Variants in RARS2 observed in about 807,000 individuals in gnomAD.
RARS2 encodes probable arginine--tRNA ligase, mitochondrial.
Under a neutral mutation model 88.5 loss-of-function variants are expected in RARS2, and 67 were observed. The ratio of observed to expected loss-of-function variants is 0.76; its 90% CI spans 0.62 to 0.93. RARS2 has a LOEUF of 0.93. RARS2 is among the 40% of genes least tolerant of loss of function. The pLI is 0.00. For synonymous variants in RARS2, 239 were observed against 230.3 expected (o/e 1.04, Z -0.34); for missense variants, 664 against 684.2 (o/e 0.97, Z 0.33).
intron 1 of RARS2, among the ~76,000 whole-genome samples, chr6:87,579,513 C>A (rs1290071875): frequency 6.6e-6 from 1 of 152,060 alleles, no homozygotes; most frequent in Non-Finnish European, 1.5e-5. Context: ...GTTTTAAATG[C>A]TTCTCAGGTG....
At chr6:87,514,913 C>T (rs1582221742) in intron 19 of RARS2, 44 bp downstream of exon 19, 3 of 1,488,928 alleles carry the variant, frequency 2.0e-6, no homozygotes, top group South Asian at 1.1e-5. Flanking sequence ...TAATATTAGT[C>T]TCAGGAGCTA....
chr6:87,543,860 G>A (rs1781803766), intron 7 of RARS2, among the ~76,000 whole-genome samples: 2 of 152,230 alleles, frequency 1.3e-5, no homozygotes, highest in Non-Finnish European at 2.9e-5. Flanking sequence ...TATAATTCAG[G>A]GTGGTTGGAG....
intron 14 of RARS2, chr6:87,519,315 C>T: frequency 2.5e-6 from 1 of 401,160 alleles, no homozygotes; most frequent in Non-Finnish European, 4.6e-6. Context: ...ATAGAAACTT[C>T]ACGTAATCAC....
chr6:87,541,528 TTTAAACCTCTGGAGGCTGGGC>T (rs1780954262), intron 8 of RARS2, among the ~76,000 whole-genome samples: 1 of 152,108 alleles, frequency 6.6e-6, no homozygotes, highest in Non-Finnish European at 1.5e-5. Flanking sequence ...GAACATATTT[TTTAAACCTCTGGAGGCTGGGC>T]GTGGTGACTC....
Position 87,524,671 on chromosome 6 carries a change from A to G in RARS2, c.879-19T>C. ...TCCTTTTCTAGAAATTCGAAAAGGT[A>G]ACTCTGAAGCAACATAATAAATTCA... On this transcript the variant is annotated intron_variant, in intron 10 of 19. Transcript: ENST00000369536. 1 of 1,523,964 alleles carries G rather than the reference A, an allele frequency of 6.6e-7. No homozygotes were observed. Among genetic ancestry groups the G allele is most frequent in the Non-Finnish European group, 9.1e-7 (1 of 1,098,872 alleles). The allele number at this position is 1,523,964 out of a possible 1,614,324, so 94.4% of individuals were successfully genotyped here. A position where few individuals can be genotyped will look rare whatever the true frequency, so the allele number is the denominator to read the frequency against.
At chr6:87,589,183 G>A (rs1326745407) in intron 1 of RARS2, among the ~76,000 whole-genome samples, 1 of 152,180 alleles carries the variant, frequency 6.6e-6, no homozygotes, top group African/African-American at 2.4e-5. Context: ...TGGCCAATGA[G>A]TCTTAAAAAT....
At chr6:87,535,205 C>A (rs1363907029) in intron 8 of RARS2, among the ~76,000 whole-genome samples, 1 of 152,094 alleles carries the variant, frequency 6.6e-6, no homozygotes, top group East Asian at 1.9e-4. Context: ...TAACTTAAAA[C>A]AATGATGAAA....
chr6:87,546,834 T>C (rs1782747518), intron 6 of RARS2, among the ~76,000 whole-genome samples: 1 of 152,230 alleles, frequency 6.6e-6, no homozygotes, highest in African/African-American at 2.4e-5. Context: ...CCAGCTTCCC[T>C]AGTTGTAGAC....
chr6:87,547,566 C>T (rs1040036272), intron 6 of RARS2, among the ~76,000 whole-genome samples: 4 of 151,958 alleles, frequency 2.6e-5, no homozygotes, highest in Non-Finnish European at 5.9e-5. Context: ...AAATGAAAAT[C>T]GTAAGTATAT....
chr6:87,564,884 C>T (rs1202559452), intron 2 of RARS2, among the ~76,000 whole-genome samples: 1 of 151,718 alleles, frequency 6.6e-6, no homozygotes, highest in Non-Finnish European at 1.5e-5. Context: ...ATGGAAAAAC[C>T]CCATCTCTAC....
chr6:87,519,208 GTATA>G (rs1173189465), intron 14 of RARS2: 91 of 257,694 alleles, frequency 3.5e-4, no homozygotes, highest in Middle Eastern at 1.4e-3. Context: ...GTGTGTGTGT[GTATA>G]TATATATATC....
chr6:87,538,982 C>T lies in RARS2; in HGVS notation c.612+2936G>A, dbSNP rs569415597. On this transcript the variant is annotated intron_variant, in intron 8 of 19. Coordinates refer to ENST00000369536, the MANE Select transcript of RARS2 (RefSeq NM_020320.5). ...CTGGGAGGTCAAGGCTGCAGTGAGCCGTGATTGTGCCACTATATTCCAGGC... is the reference window on the plus strand; with the variant it reads ...CTGGGAGGTCAAGGCTGCAGTGAGCTGTGATTGTGCCACTATATTCCAGGC... 2.5e-3 allele frequency among the ~76,000 whole-genome samples: 375 copies of T among 151,516 alleles called. 2 individuals are homozygous for T. The highest frequency in any genetic ancestry group is 8.8e-3 in the African/African-American group (361 of 41,252).
At chr6:87,523,875 G>GATAT (rs1774797681) in intron 11 of RARS2, among the ~76,000 whole-genome samples, 1 of 152,086 alleles carries the variant, frequency 6.6e-6, no homozygotes, top group Admixed American at 6.5e-5. Context: ...GTACCTCTTA[G>GATAT]ATATATAAGC....
chr6:87,577,097 G>A (rs932573663), intron 1 of RARS2, among the ~76,000 whole-genome samples: 5 of 152,134 alleles, frequency 3.3e-5, no homozygotes, highest in African/African-American at 7.2e-5. Context: ...ATTGCCCTAC[G>A]CATTTGCATC....
intron 18 of RARS2, 144 bp downstream of exon 18, chr6:87,516,662 C>A: frequency 8.4e-7 from 1 of 1,195,082 alleles, no homozygotes; most frequent in Non-Finnish European, 1.2e-6. Flanking sequence ...ACATTAACTG[C>A]TAATTTGTAT....
At chr6:87,578,049 G>A (rs760794624) in intron 1 of RARS2, among the ~76,000 whole-genome samples, 15 of 151,986 alleles carry the variant, frequency 9.9e-5, no homozygotes, top group South Asian at 2.1e-4. Flanking sequence ...TTGGGAGGTC[G>A]AGGTGCAGGA....
At chr6:87,522,877 TAAG>T (rs1774394669) in intron 11 of RARS2, among the ~76,000 whole-genome samples, 1 of 152,220 alleles carries the variant, frequency 6.6e-6, no homozygotes. Flanking sequence ...CCCAAAGTTC[TAAG>T]ATTACAGGCG....
chr6:87,587,993 T>A (rs749550385), intron 1 of RARS2, among the ~76,000 whole-genome samples: 4 of 152,128 alleles, frequency 2.6e-5, no homozygotes, highest in Non-Finnish European at 5.9e-5. Flanking sequence ...AGGCTGGTCT[T>A]GAACGTCTCA....
chr6:87,580,651 A>G (rs1042410789), intron 1 of RARS2, among the ~76,000 whole-genome samples: 1 of 151,772 alleles, frequency 6.6e-6, no homozygotes, highest in Non-Finnish European at 1.5e-5. Flanking sequence ...AAGTCTCACT[A>G]TATCTCAGTA....
Sources: gnomAD v4.1 joint callset for allele counts (sites outside exome capture counted in the v4.1 genomes callset) on GRCh38, gnomAD v4.1.1 for gene constraint, MANE v1.5 for transcripts, NCBI Gene and HGNC (gene_info 2026-07-23, HGNC 2026-07-21) for gene names.